SCFD2: variants seen among roughly 807,000 people sequenced by gnomAD.
The protein encoded by SCFD2 is sec1 family domain-containing protein 2.
SCFD2 carries 54 observed loss-of-function variants against 58.9 expected under a neutral mutation model. The ratio of observed to expected loss-of-function variants is 0.92; its 90% CI spans 0.74 to 1.15. The LOEUF (loss-of-function observed/expected upper bound fraction) is 1.15, where lower values mean the gene tolerates loss of function less well. Among genes scored for constraint, SCFD2 ranks in the 50% most tolerant of loss-of-function variants. The pLI, the probability that SCFD2 is intolerant of heterozygous loss-of-function variation, is 0.00. For synonymous variants in SCFD2, 321 were observed against 335.9 expected (o/e 0.96, Z 0.49); for missense variants, 805 against 836.6 (o/e 0.96, Z 0.47).
intron 7 of SCFD2, among the ~76,000 whole-genome samples, chr4:52,902,564 G>A (rs550853678): frequency 2.0e-5 from 3 of 152,220 alleles, no homozygotes; most frequent in Non-Finnish European, 4.4e-5. Context: ...AGGCATACAA[G>A]GGTATTCAAG....
chr4:53,163,775 G>A (rs867887774), intron 4 of SCFD2, among the ~76,000 whole-genome samples: 1 of 152,110 alleles, frequency 6.6e-6, no homozygotes, highest in Non-Finnish European at 1.5e-5. Context: ...GAACCAAAGA[G>A]GAAGTGAGAT....
chr4:52,896,721 G>A (rs1164878295), intron 7 of SCFD2, among the ~76,000 whole-genome samples: 1 of 152,272 alleles, frequency 6.6e-6, no homozygotes, highest in East Asian at 1.9e-4. Context: ...GCTTGATGGG[G>A]ATGACATTGA....
chr4:52,948,233 G>A (rs761582764), intron 5 of SCFD2: 1 of 265,780 alleles, frequency 3.8e-6, no homozygotes. Flanking sequence ...CTGTTAATGC[G>A]CTTTCTCTTC....
chr4:53,304,257 A>C (rs1447527840), intron 3 of SCFD2, among the ~76,000 whole-genome samples: 1 of 151,988 alleles, frequency 6.6e-6, no homozygotes, highest in Non-Finnish European at 1.5e-5. Context: ...CCTGCCCTTA[A>C]CATTTTTTCC....
chr4:53,223,519 T>C (rs1729109534), intron 4 of SCFD2, among the ~76,000 whole-genome samples: 1 of 152,256 alleles, frequency 6.6e-6, no homozygotes, highest in Admixed American at 6.5e-5. Flanking sequence ...TGCTATGCGC[T>C]ATCAGAACTC....
Position 53,129,218 on chromosome 4 carries a change from G to GAAAAC in SCFD2, c.1561+16110_1561+16114dup, listed in dbSNP as rs5858206. ...GAAAGTTCAGGCGTGTATCTTGGAAGAAAACAAAACAAAACAAAACAAAAC... is the reference window on the plus strand; with the variant it reads ...GAAAGTTCAGGCGTGTATCTTGGAAGAAAACAAAACAAAACAAAACAAAACAAAAC... On this transcript the variant is annotated intron_variant, in intron 5 of 8. Transcript: ENST00000401642. Among the ~76,000 whole-genome samples the GAAAAC allele has an allele frequency of 6.0e-3, 889 of 148,782 alleles. 5 individuals carry two copies. Among genetic ancestry groups the GAAAAC allele is most frequent in the African/African-American group, 0.018 (710 of 40,242 alleles).
intron 4 of SCFD2, among the ~76,000 whole-genome samples, chr4:53,179,464 C>T (rs1295274891): frequency 2.0e-5 from 3 of 152,164 alleles, no homozygotes; most frequent in Admixed American, 1.3e-4. Flanking sequence ...GAGATTTTGT[C>T]ACCACCAGGC....
chr4:53,211,575 G>A (rs930809348), intron 4 of SCFD2, among the ~76,000 whole-genome samples: 1 of 152,034 alleles, frequency 6.6e-6, no homozygotes, highest in African/African-American at 2.4e-5. Context: ...GGTCAGTCTT[G>A]GGGACTGAGC....
intron 5 of SCFD2, among the ~76,000 whole-genome samples, chr4:53,003,791 G>A (rs2148802226): frequency 6.6e-6 from 1 of 152,264 alleles, no homozygotes; most frequent in African/African-American, 2.4e-5. Flanking sequence ...ACTCTAAGGA[G>A]GACAGTAGAA....
chr4:53,361,962 A>G (rs1734559429), intron 1 of SCFD2, among the ~76,000 whole-genome samples: 1 of 152,224 alleles, frequency 6.6e-6, no homozygotes, highest in Non-Finnish European at 1.5e-5. Context: ...TATATTGAAT[A>G]CCTACTGTTT....
At chr4:53,026,998 C>G (rs1722490812) in intron 5 of SCFD2, among the ~76,000 whole-genome samples, 1 of 152,172 alleles carries the variant, frequency 6.6e-6, no homozygotes, top group Non-Finnish European at 1.5e-5. Flanking sequence ...TGCCTGTCAC[C>G]CTAGTGACCT....
At chr4:52,877,716 G>A (rs1718511765) in intron 8 of SCFD2, among the ~76,000 whole-genome samples, 1 of 152,208 alleles carries the variant, frequency 6.6e-6, no homozygotes, top group Non-Finnish European at 1.5e-5. Context: ...CTTCCACCCA[G>A]CTCACAGTAG....
intron 5 of SCFD2, among the ~76,000 whole-genome samples, chr4:53,019,513 C>A (rs1722295859): frequency 6.6e-6 from 1 of 152,000 alleles, no homozygotes; most frequent in Non-Finnish European, 1.5e-5. Flanking sequence ...AAAATAATAC[C>A]ATTGGCCTGA....
chr4:52,947,449 T>TAAA lies in SCFD2; in HGVS notation c.1562-26580_1562-26579insTTT, dbSNP rs1720461149. Among the ~76,000 whole-genome samples the TAAA allele has an allele frequency of 6.6e-5, 10 of 152,342 alleles. 1 individual carries two copies. In the South Asian group the frequency reaches 2.1e-3, roughly 32 times the overall value. On this transcript the variant is annotated intron_variant, in intron 5 of 8. Coordinates refer to ENST00000401642, the MANE Select transcript of SCFD2 (RefSeq NM_152540.4). ...AAAGTGAAGTGTGTATGTATAATTT[T>TAAA]ACAAATTGATTCTAAGACACCTATG...
intron 5 of SCFD2, among the ~76,000 whole-genome samples, chr4:53,026,009 T>G (rs1267406918): frequency 2.0e-5 from 3 of 152,240 alleles, no homozygotes; most frequent in Non-Finnish European, 4.4e-5. Flanking sequence ...TTTTTCATTT[T>G]TTTTTTCTTT....
chr4:53,040,249 G>T (rs10013152), intron 5 of SCFD2, among the ~76,000 whole-genome samples: 27,218 of 152,032 alleles, frequency 0.18, 4,050 homozygotes, highest in African/African-American at 0.41. Flanking sequence ...CTTTATCTGA[G>T]ACCATGTAAC....
intron 5 of SCFD2, among the ~76,000 whole-genome samples, chr4:52,983,128 C>T (rs1485707342): frequency 6.6e-6 from 1 of 152,112 alleles, no homozygotes; most frequent in Admixed American, 6.5e-5. Flanking sequence ...TGGATGCTTG[C>T]CAGATAACAT....
At chr4:53,183,064 C>G (rs758231802) in intron 4 of SCFD2, among the ~76,000 whole-genome samples, 7 of 152,146 alleles carry the variant, frequency 4.6e-5, no homozygotes, top group Non-Finnish European at 7.4e-5. Context: ...AGCCTGTAAA[C>G]TAGTTCAGCC....
chr4:53,123,532 T>C (rs1487396606), intron 5 of SCFD2, among the ~76,000 whole-genome samples: 2 of 95,382 alleles, frequency 2.1e-5, no homozygotes, highest in African/African-American at 4.4e-5. Context: ...GAGATGGGGG[T>C]GGGGGGGGGG....
Sources: gnomAD v4.1 joint callset for allele counts (sites outside exome capture counted in the v4.1 genomes callset) on GRCh38, gnomAD v4.1.1 for gene constraint, MANE v1.5 for transcripts, NCBI Gene and HGNC (gene_info 2026-07-23, HGNC 2026-07-21) for gene names.